C12orf76: variants seen among roughly 807,000 people sequenced by gnomAD.
C12orf76 encodes the protein chromosome 12 open reading frame 76.
C12orf76 carries 6 observed loss-of-function variants against 6.8 expected under a neutral mutation model. The ratio of observed to expected loss-of-function variants is 0.88; its 90% CI spans 0.48 to 1.73. C12orf76 has a LOEUF of 1.73. Among genes scored for constraint, C12orf76 ranks in the 40% most tolerant of loss-of-function variants. The pLI is 0.01. For synonymous variants in C12orf76, 56 were observed against 43.7 expected (o/e 1.28, Z -1.11); for missense variants, 99 against 98.2 (o/e 1.01, Z -0.03).
upstream of C12orf76, chr12:110,048,524 C>T (rs1892513734): frequency 1.4e-6 from 2 of 1,385,174 alleles, no homozygotes; most frequent in African/African-American, 1.5e-5. Context: ...AGCAGAGAGG[C>T]CACTTCCGTC....
intron 1 of C12orf76, among the ~76,000 whole-genome samples, chr12:110,047,948 T>G (rs942535837): frequency 6.6e-6 from 1 of 152,044 alleles, no homozygotes; most frequent in Non-Finnish European, 1.5e-5. Flanking sequence ...TGCAGTTCAT[T>G]CATGGGCAAG....
Position 110,042,209 on chromosome 12 carries a change from A to T in C12orf76, c.*165T>A, listed in dbSNP as rs1260662907. ...ATTTGCGCTACAGTGTTAGGAAAAA[A>T]TAATGTCTAGTACATGTTTTCTTCT... is the stretch of plus-strand genomic sequence containing the variant. On this transcript the variant is annotated 3_prime_UTR_variant, in exon 2 of 2. Transcript: ENST00000615315. 8.2e-6 allele frequency: 5 copies of T among 611,280 alleles called. No individual in the cohort carries two copies. Among genetic ancestry groups the T allele is most frequent in the Non-Finnish European group, 1.5e-5 (5 of 339,462 alleles). The allele number at this position is 611,280 out of a possible 1,614,324, so 37.9% of individuals were successfully genotyped here.
chr12:110,048,619 G>A, upstream of C12orf76: 2 of 1,311,108 alleles, frequency 1.5e-6, no homozygotes, highest in Non-Finnish European at 1.9e-6. Flanking sequence ...TGGTAACTGT[G>A]CGTCCTGGTC....
chr12:110,055,441 A>G (rs774727059), intron 4 of C12orf76, among the ~76,000 whole-genome samples: 3 of 152,134 alleles, frequency 2.0e-5, no homozygotes, highest in Non-Finnish European at 2.9e-5. Context: ...TCCTGACTTC[A>G]GGTGATCCAC....
intron 3 of C12orf76, chr12:110,057,302 G>A (rs370129423): frequency 1.3e-6 from 2 of 1,597,296 alleles, no homozygotes; most frequent in Non-Finnish European, 1.7e-6. Context: ...AGCTCCTAAG[G>A]TTCCAGAGCA....
chr12:110,068,261 AGAAGAAGAAGAAG>A (rs1341356338), upstream of C12orf76, among the ~76,000 whole-genome samples: 1 of 100,014 alleles, frequency 1.0e-5, no homozygotes, highest in Admixed American at 9.7e-5. Context: ...AAGAAGAAGA[AGAAGAAGAAGAAG>A]AAGAAGAAGA....
chr12:110,065,780 G>T, intron 2 of C12orf76: 2 of 1,613,098 alleles, frequency 1.2e-6, no homozygotes, highest in Non-Finnish European at 1.7e-6. Context: ...ACTTTTCAGT[G>T]GCTTCCCATG....
chr12:110,046,296 C>T (rs754478203), intron 1 of C12orf76, among the ~76,000 whole-genome samples: 2 of 152,192 alleles, frequency 1.3e-5, no homozygotes, highest in Non-Finnish European at 2.9e-5. Flanking sequence ...CGTGGTGGCA[C>T]ACGCCTGTGG....
At chr12:110,068,298 G>T (rs1294505759), upstream of C12orf76, among the ~76,000 whole-genome samples, 1 of 146,312 alleles carries the variant, frequency 6.8e-6, no homozygotes, top group Non-Finnish European at 1.5e-5. Flanking sequence ...AGAAGAAGAA[G>T]AAGAAGAAGA....
upstream of C12orf76, among the ~76,000 whole-genome samples, chr12:110,068,259 G>GAAGAAGAAGAAGAA (rs1892905910): frequency 2.3e-5 from 2 of 86,284 alleles, no homozygotes; most frequent in African/African-American, 9.2e-5. Flanking sequence ...AGAAGAAGAA[G>GAAGAAGAAGAAGAA]AAGAAGAAGA....
chr12:110,072,415 T>C (rs925308863), upstream of C12orf76, among the ~76,000 whole-genome samples: 15 of 152,064 alleles, frequency 9.9e-5, no homozygotes, highest in African/African-American at 3.1e-4. Context: ...GGTAAATCCA[T>C]AGAGGCAGAA....
At chr12:110,065,497 G>C (rs1209747388) in intron 2 of C12orf76, among the ~76,000 whole-genome samples, 3 of 152,002 alleles carry the variant, frequency 2.0e-5, no homozygotes, top group African/African-American at 7.3e-5. Flanking sequence ...TTGGTAAAAG[G>C]CATCATCAAT....
upstream of C12orf76, chr12:110,048,830 T>A (rs1004074429): frequency 2.5e-5 from 6 of 236,482 alleles, no homozygotes; most frequent in Non-Finnish European, 3.8e-5. Flanking sequence ...GAAGATTTTT[T>A]ACGAATCCAT....
chr12:110,062,786 ATATTTTTTTTTT>A (rs891817805), intron 2 of C12orf76, among the ~76,000 whole-genome samples: 1 of 124,818 alleles, frequency 8.0e-6, no homozygotes, highest in Non-Finnish European at 1.6e-5. Context: ...TGCCCAGCTA[ATATTTTTTTTTT>A]TTTTTTTTTT....
upstream of C12orf76, among the ~76,000 whole-genome samples, chr12:110,068,330 A>AGAAGAAGAAGAC (rs1566080349): frequency 8.6e-6 from 1 of 116,662 alleles, no homozygotes; most frequent in East Asian, 2.0e-4. Context: ...AAGAAGAAGA[A>AGAAGAAGAAGAC]GGCGGCCAAA....
chr12:110,065,968 A>G (rs1017381318), exon 2 of C12orf76: 14 of 1,612,382 alleles, frequency 8.7e-6, no homozygotes, highest in Admixed American at 3.3e-5. Context: ...TTCTCCTTCT[A>G]TGGGGTCACC....
rs1036351341 is a variant in C12orf76 at position 110,056,980 on chromosome 12, A to G, written n.664+209T>C. 25 of 575,298 alleles carry G rather than the reference A, an allele frequency of 4.3e-5. No individual in the cohort carries two copies. In the Admixed American group the frequency reaches 7.3e-4, roughly 17 times the overall value. The allele number at this position is 575,298 out of a possible 1,614,324, so 35.6% of individuals were successfully genotyped here. A position where few individuals can be genotyped will look rare whatever the true frequency, so the allele number is the denominator to read the frequency against. On this transcript the variant is annotated intron_variant and non_coding_transcript_variant, in intron 4 of 4. Coordinates refer to the C12orf76 transcript ENST00000309050. ...TAGCAGCATGAGAACAGACAAATAC[A>G]TCCATCAAGGGGCACTCACAGGCAA...
At chr12:110,072,977 A>G (rs1250912726) in intron 1 of C12orf76, among the ~76,000 whole-genome samples, 2 of 152,082 alleles carry the variant, frequency 1.3e-5, no homozygotes, top group Admixed American at 6.6e-5. Context: ...AAGAAAAGAA[A>G]AAGAAAAAAA....
Position 110,073,421 on chromosome 12 carries a change from C to T in C12orf76, n.213+1G>A, listed in dbSNP as rs759831100. Reference sequence around the variant, plus strand: ...TGGGGTCCTCCCTGCATCCCACTTACCTAACATAGGAAAAGACGATCACGT... The same window carrying T: ...TGGGGTCCTCCCTGCATCCCACTTATCTAACATAGGAAAAGACGATCACGT... On this transcript the variant is annotated splice_donor_variant and non_coding_transcript_variant, in intron 1 of 1. Coordinates refer to the C12orf76 transcript ENST00000548936. 9.6e-6 allele frequency: 5 copies of T among 522,176 alleles called. No individual in the cohort carries two copies. In the Admixed American group the frequency reaches 9.9e-5, roughly 10 times the overall value. The allele number at this position is 522,176 out of a possible 1,614,324, so 32.3% of individuals were successfully genotyped here.
Sources: allele counts gnomAD v4.1 joint callset (sites outside exome capture counted in the v4.1 genomes callset), GRCh38; gene constraint gnomAD v4.1.1; transcripts MANE v1.5; gene names NCBI Gene and HGNC (gene_info 2026-07-23, HGNC 2026-07-21).